The following SLCO1B1 variants were observed in gnomAD, a reference collection of about 807,000 sequenced individuals.
SLCO1B1 encodes OATP-2.
A neutral mutation model predicts 70.1 loss-of-function variants in SLCO1B1; 81 were observed. The ratio of observed to expected loss-of-function variants is 1.16; its 90% confidence interval spans 0.97 to 1.39. The LOEUF (loss-of-function observed/expected upper bound fraction) is 1.39, where lower values mean the gene tolerates loss of function less well. SLCO1B1 is among the 40% of genes most tolerant of loss of function. The probability of loss-of-function intolerance (pLI) is 0.00; values close to 1 mark genes in which losing one functional copy is unlikely to be tolerated. For synonymous variants in SLCO1B1, 283 were observed against 271.5 expected, an observed-to-expected ratio of 1.04 and a Z score of -0.42; for missense variants, 895 against 799.6, an observed-to-expected ratio of 1.12 and a Z score of -1.44.
At chr12:21,207,493 T>C (rs1283288905) in intron 11 of SLCO1B1, among the ~76,000 whole-genome samples, 1 of 152,036 alleles carries the variant, frequency 6.6e-6, no homozygotes, top group Non-Finnish European at 1.5e-5. Flanking sequence ...GGCCATGTAG[T>C]ATTCCATTGT....
intron 7 of SLCO1B1, among the ~76,000 whole-genome samples, chr12:21,180,223 A>G (rs1402373684): frequency 3.9e-5 from 6 of 152,098 alleles, no homozygotes; most frequent in Non-Finnish European, 8.8e-5. Flanking sequence ...ATGAATATCC[A>G]TACCTTATTC....
chr12:21,233,221 C>G (rs1941559888), intron 14 of SLCO1B1, among the ~76,000 whole-genome samples: 2 of 130,702 alleles, frequency 1.5e-5, no homozygotes, highest in Non-Finnish European at 3.4e-5. Context: ...CACCCCGACT[C>G]AGGCCTTTTT....
chr12:21,158,092 G>T (rs554322605), intron 2 of SLCO1B1, among the ~76,000 whole-genome samples: 228 of 152,210 alleles, frequency 1.5e-3, no homozygotes, highest in African/African-American at 5.2e-3. Flanking sequence ...TTTTAAAAAT[G>T]AAATTCTCTA....
chr12:21,135,454 A>T (rs1171425990), intron 1 of SLCO1B1, among the ~76,000 whole-genome samples: 2 of 152,222 alleles, frequency 1.3e-5, no homozygotes, highest in Non-Finnish European at 2.9e-5. Context: ...TCCCATTATT[A>T]TTGAGTGGAA....
chr12:21,153,131 T>G (rs1940496404), intron 2 of SLCO1B1, among the ~76,000 whole-genome samples: 1 of 152,172 alleles, frequency 6.6e-6, no homozygotes, highest in South Asian at 2.1e-4. Flanking sequence ...CGATTGCCAT[T>G]GGTCCTCACC....
At chr12:21,233,571 CA>C (rs60313934) in intron 14 of SLCO1B1, among the ~76,000 whole-genome samples, 28,090 of 137,480 alleles carry the variant, frequency 0.2, 2,952 homozygotes, top group East Asian at 0.5. Flanking sequence ...AACAAACAAA[CA>C]AAAAAAAAAA....
chr12:21,179,166 C>T (rs1191062020), intron 7 of SLCO1B1, 146 bp downstream of exon 7: 2 of 627,264 alleles, frequency 3.2e-6, no homozygotes, highest in African/African-American at 3.7e-5. Flanking sequence ...AAATGTATTA[C>T]TAATCAGAAT....
Position 21,178,683 on chromosome 12 carries a change from G to T in SLCO1B1, c.589G>T (p.Asp197Tyr). The change falls in exon 6 of 15, where the codon GAT becomes TAT. Residue 197 changes from aspartate to tyrosine, a missense_variant. Coordinates refer to ENST00000256958, the MANE Select transcript of SLCO1B1 (RefSeq NM_006446.5). ...PIVPLGLSYI[D>Y]DFAKEGHSSL... ...AGTACCATTGGGGCTTTCTTACATT[G>T]ATGATTTCGCTAAAGAAGGACATTC... 2 of 1,607,236 alleles carry T rather than the reference G, an allele frequency of 1.2e-6. No homozygotes were observed. The highest frequency in any genetic ancestry group is 1.7e-6 in the Non-Finnish European group (2 of 1,173,826).
chr12:21,153,497 G>A (rs1454740474), intron 2 of SLCO1B1, among the ~76,000 whole-genome samples: 1 of 152,012 alleles, frequency 6.6e-6, no homozygotes, highest in Non-Finnish European at 1.5e-5. Flanking sequence ...CTATGTCCTA[G>A]TACATCATTG....
At chr12:21,189,771 GTACACTC>G (rs199932281) in intron 7 of SLCO1B1, among the ~76,000 whole-genome samples, 1,765 of 152,148 alleles carry the variant, frequency 0.012, 34 homozygotes, top group African/African-American at 0.041. Flanking sequence ...TTTTTATCAT[GTACACTC>G]TAATGTTTTG....
intron 2 of SLCO1B1, among the ~76,000 whole-genome samples, chr12:21,156,126 C>T (rs1460062786): frequency 2.0e-5 from 3 of 151,638 alleles, no homozygotes; most frequent in South Asian, 2.1e-4. Flanking sequence ...GTATTGTGAC[C>T]GAGAGACAAA....
Position 21,150,603 on chromosome 12 carries a change from C to T in SLCO1B1, c.84+8945C>T, listed in dbSNP as rs1163884843. Among the ~76,000 whole-genome samples, 5 of 152,072 alleles carry T rather than the reference C, an allele frequency of 3.3e-5. No individual in the cohort carries two copies. The East Asian group carries it at 9.7e-4, about 29-fold the overall frequency. On this transcript the variant is annotated intron_variant, in intron 2 of 14. Transcript: ENST00000256958. ...CTCCAGCAGACCTGCAGCTGAGGGG[C>T]CTGACTGTTAGAAGAAAAACCTACA...
intron 2 of SLCO1B1, among the ~76,000 whole-genome samples, chr12:21,152,539 T>TTTTTTTTTTTTTTTTC (rs1940487240): frequency 7.2e-6 from 1 of 138,202 alleles, no homozygotes; most frequent in Non-Finnish European, 1.6e-5. Context: ...GAGGCTTTTT[T>TTTTTTTTTTTTTTTTC]TTTTTTTTTT....
chr12:21,163,802 G>T (rs1940652414), intron 2 of SLCO1B1, among the ~76,000 whole-genome samples: 1 of 152,078 alleles, frequency 6.6e-6, no homozygotes. Context: ...ATCACATTGG[G>T]TTAGGATTTG....
At chr12:21,214,217 T>C (rs1276694393) in intron 11 of SLCO1B1, among the ~76,000 whole-genome samples, 2 of 152,160 alleles carry the variant, frequency 1.3e-5, no homozygotes, top group Non-Finnish European at 2.9e-5. Context: ...TCTTTGATGA[T>C]GGTGATGTAC....
intron 14 of SLCO1B1, among the ~76,000 whole-genome samples, chr12:21,234,960 T>G (rs1941581438): frequency 6.6e-6 from 1 of 151,986 alleles, no homozygotes; most frequent in Non-Finnish European, 1.5e-5. Flanking sequence ...TGACTTAGAA[T>G]GTGGTTAGTT....
In SLCO1B1 at chr12:21,181,223, G is replaced by T. The variant is rs183168920; in HGVS notation, c.727+2203G>T. Reference sequence around the variant, plus strand: ...AGAAAATCCAAACACCAAAATTTTTGTGTAGAATTTTTCAATTTTTAAGAC... The same window carrying T: ...AGAAAATCCAAACACCAAAATTTTTTTGTAGAATTTTTCAATTTTTAAGAC... On this transcript the variant is annotated intron_variant, in intron 7 of 14. Coordinates refer to ENST00000256958, the MANE Select transcript of SLCO1B1 (RefSeq NM_006446.5). 8.5e-4 allele frequency among the ~76,000 whole-genome samples: 130 copies of T among 152,232 alleles called. 2 individuals carry two copies. The East Asian group carries it at 0.016, about 19-fold the overall frequency.
chr12:21,213,062 A>C (rs1941308392), intron 11 of SLCO1B1, among the ~76,000 whole-genome samples: 1 of 151,778 alleles, frequency 6.6e-6, no homozygotes, highest in Admixed American at 6.6e-5. Context: ...TAGTCCATTT[A>C]CATTTAAAGT....
At chr12:21,228,257 T>C (rs12369359) in intron 14 of SLCO1B1, among the ~76,000 whole-genome samples, 1 of 152,022 alleles carries the variant, frequency 6.6e-6, no homozygotes, top group Non-Finnish European at 1.5e-5. Flanking sequence ...AAATTGCCAA[T>C]TTAAATTTCT....
Sources: allele counts gnomAD v4.1 joint callset (sites outside exome capture counted in the v4.1 genomes callset), GRCh38; gene constraint gnomAD v4.1.1; transcripts MANE v1.5; gene names NCBI Gene and HGNC (gene_info 2026-07-23, HGNC 2026-07-21).